GRID2: variants seen among roughly 807,000 people sequenced by gnomAD.
The protein encoded by GRID2 is glutamate ionotropic receptor delta type subunit 2, also known as glutamate receptor ionotropic, delta-2.
GRID2 carries 33 observed loss-of-function variants against 114.8 expected under a neutral mutation model. The ratio of observed to expected loss-of-function variants is 0.29; its 90% CI spans 0.22 to 0.38. The LOEUF is 0.38. Among genes scored for constraint, GRID2 ranks in the 10% least tolerant of loss-of-function variants. GRID2 has a pLI of 1.00. For missense variants in GRID2, 1,184 were observed against 1,257.7 expected (o/e 0.94, Z 0.89); for synonymous variants, 505 against 449.9 (o/e 1.12, Z -1.55).
chr4:92,614,801 G>A (rs1317707942), intron 2 of GRID2, among the ~76,000 whole-genome samples: 1 of 151,552 alleles, frequency 6.6e-6, no homozygotes, highest in African/African-American at 2.4e-5. Context: ...AAAATCAATA[G>A]CATTTTATTA....
chr4:92,458,406 A>C (rs1434584675), intron 1 of GRID2, among the ~76,000 whole-genome samples: 1 of 152,120 alleles, frequency 6.6e-6, no homozygotes, highest in African/African-American at 2.4e-5. Flanking sequence ...TTATCTGCAC[A>C]ATTTAGGGAT....
At chr4:92,912,045 TAGA>T (rs1255049023) in intron 2 of GRID2, among the ~76,000 whole-genome samples, 3 of 151,890 alleles carry the variant, frequency 2.0e-5, no homozygotes, top group Non-Finnish European at 4.4e-5. Flanking sequence ...TCATAAATAA[TAGA>T]AGATAATATT....
At chr4:93,344,694 C>T (rs1760023737) in intron 8 of GRID2, among the ~76,000 whole-genome samples, 1 of 149,530 alleles carries the variant, frequency 6.7e-6, no homozygotes, top group African/African-American at 2.4e-5. Flanking sequence ...TAACTATAGT[C>T]ATATTATACA....
At chr4:92,642,192 C>G (rs988508817) in intron 2 of GRID2, among the ~76,000 whole-genome samples, 7 of 151,638 alleles carry the variant, frequency 4.6e-5, no homozygotes, top group Non-Finnish European at 1.0e-4. Context: ...AATGGTGGCT[C>G]TATTTTAAGT....
intron 2 of GRID2, among the ~76,000 whole-genome samples, chr4:92,876,505 C>T (rs1034447602): frequency 9.9e-5 from 15 of 152,004 alleles, no homozygotes; most frequent in African/African-American, 2.9e-4. Flanking sequence ...GGGGTTTCAC[C>T]GTGTTAACCA....
At chr4:92,975,014 G>A (rs1415592513) in intron 2 of GRID2, among the ~76,000 whole-genome samples, 2 of 151,554 alleles carry the variant, frequency 1.3e-5, no homozygotes, top group Non-Finnish European at 2.9e-5. Context: ...AAAATTAGCC[G>A]GGCATGGTGG....
chr4:93,525,592 T>C (rs1040256408), intron 13 of GRID2, among the ~76,000 whole-genome samples: 1 of 152,238 alleles, frequency 6.6e-6, no homozygotes, highest in Non-Finnish European at 1.5e-5. Flanking sequence ...TTCTTCCATA[T>C]TTTAAAATTG....
rs185367683 is a variant in GRID2, at chr4:93,058,674, G to A, written c.245-26321G>A. On this transcript the variant is annotated intron_variant, in intron 2 of 15. Transcript: ENST00000282020. Reference sequence around the variant, plus strand: ...TCTCCAAACTCTCAATTTTTAAGTTGAACTAACTTTTCTTCCTATTACATA... The same window carrying A: ...TCTCCAAACTCTCAATTTTTAAGTTAAACTAACTTTTCTTCCTATTACATA... Among the ~76,000 whole-genome samples the A allele has an allele frequency of 4.0e-5, 6 of 151,820 alleles. No homozygotes were observed. The East Asian group carries it at 1.2e-3, about 29-fold the overall frequency.
At chr4:93,785,873 T>C (rs973148906) in intron 1 of GRID2, among the ~76,000 whole-genome samples, 3 of 151,968 alleles carry the variant, frequency 2.0e-5, no homozygotes, top group African/African-American at 7.3e-5. Flanking sequence ...TAGAGAGAGC[T>C]GTAGTGGGAA....
At chr4:92,681,312 T>C (rs1579830714) in intron 2 of GRID2, among the ~76,000 whole-genome samples, 3 of 152,306 alleles carry the variant, frequency 2.0e-5, no homozygotes, top group Admixed American at 2.0e-4. Flanking sequence ...CTGTTCTTTA[T>C]CAATATTGTG....
At chr4:93,790,792 G>A (rs960294272) in intron 1 of GRID2, among the ~76,000 whole-genome samples, 8 of 152,140 alleles carry the variant, frequency 5.3e-5, no homozygotes, top group Admixed American at 1.3e-4. Context: ...GAGTCTAAAA[G>A]CCAGGGTTCA....
chr4:92,925,892 A>G (rs970665507), intron 2 of GRID2, among the ~76,000 whole-genome samples: 3 of 152,000 alleles, frequency 2.0e-5, no homozygotes, highest in Non-Finnish European at 2.9e-5. Flanking sequence ...CAAAGGGACA[A>G]GAGTTAGTTT....
rs71598445 is a variant in GRID2 at position 92,384,517 on chromosome 4, TTATATAATATAA to T, written c.88+79797_88+79808del. On this transcript the variant is annotated intron_variant, in intron 1 of 15. Coordinates refer to ENST00000282020, the MANE Select transcript of GRID2 (RefSeq NM_001510.4). ...ATAAAAATATATATTATATATAATA[TTATATAATATAA>T]TATATAATATAATATATAATATATA... Among the ~76,000 whole-genome samples the T allele has an allele frequency of 8.0e-4, 29 of 36,216 alleles. No homozygotes were observed. The Admixed American group carries it at 0.01, about 13-fold the overall frequency. The allele number at this position is 36,216 out of a possible 152,430, so 23.8% of individuals were successfully genotyped here.
chr4:93,230,641 G>T (rs537559398), intron 7 of GRID2, among the ~76,000 whole-genome samples: 1 of 151,970 alleles, frequency 6.6e-6, no homozygotes, highest in Admixed American at 6.6e-5. Context: ...TAAGTGTTGC[G>T]TAGCTAATTA....
At position 92,600,042 on chromosome 4, in the gene GRID2, G is replaced by GTA. The variant is rs1264402444; in HGVS notation, c.244+9757_244+9758insAT. 4.6e-3 allele frequency among the ~76,000 whole-genome samples: 326 copies of GTA among 70,234 alleles called. 2 individuals carry two copies. Among genetic ancestry groups the GTA allele is most frequent in the African/African-American group, 7.9e-3 (133 of 16,942 alleles). The allele number at this position is 70,234 out of a possible 152,430, so 46.1% of individuals were successfully genotyped here. A position where few individuals can be genotyped will look rare whatever the true frequency, so the allele number is the denominator to read the frequency against. ...TTCATGTATGTGTGTGTGTGTGTGT[G>GTA]TGTATATATATATATATATATATAT... On this transcript the variant is annotated intron_variant, in intron 2 of 15. Transcript: ENST00000282020.
At chr4:93,130,244 A>G (rs1002963811) in intron 4 of GRID2, among the ~76,000 whole-genome samples, 1 of 152,172 alleles carries the variant, frequency 6.6e-6, no homozygotes, top group African/African-American at 2.4e-5. Flanking sequence ...ATTTGAGACC[A>G]GCCTGGGCAA....
At chr4:93,386,535 C>T (rs934349459) in intron 8 of GRID2, among the ~76,000 whole-genome samples, 8 of 151,990 alleles carry the variant, frequency 5.3e-5, no homozygotes, top group Non-Finnish European at 1.0e-4. Context: ...ATGAAAGTAA[C>T]GATTAAGCTT....
At chr4:93,449,598 T>G (rs889943855) in intron 10 of GRID2, among the ~76,000 whole-genome samples, 2 of 152,088 alleles carry the variant, frequency 1.3e-5, no homozygotes, top group Admixed American at 6.5e-5. Flanking sequence ...CAATAATGCC[T>G]TTTACAAAGC....
intron 8 of GRID2, among the ~76,000 whole-genome samples, chr4:93,330,813 T>C (rs1758347627): frequency 1.3e-5 from 2 of 152,106 alleles, no homozygotes; most frequent in Admixed American, 1.3e-4. Context: ...AGTATATTTC[T>C]TCTCAAATCT....
Sources: gnomAD v4.1 joint callset for allele counts (sites outside exome capture counted in the v4.1 genomes callset) on GRCh38, gnomAD v4.1.1 for gene constraint, MANE v1.5 for transcripts, NCBI Gene and HGNC (gene_info 2026-07-23, HGNC 2026-07-21) for gene names.